Variants in CDH1 observed in about 807,000 individuals in gnomAD.
The protein encoded by CDH1 is cadherin-1.
Under a neutral mutation model 84.5 loss-of-function variants are expected in CDH1, and 35 were observed. The ratio of observed to expected loss-of-function variants is 0.41; its 90% CI spans 0.32 to 0.55. The LOEUF (loss-of-function observed/expected upper bound fraction) is 0.55. Ranked by LOEUF, CDH1 falls within the 20% of genes least tolerant of loss-of-function variation. The probability of loss-of-function intolerance (pLI) is 0.19; values close to 1 mark genes in which losing one functional copy is unlikely to be tolerated. For synonymous variants in CDH1, 417 were observed against 439.0 expected (o/e 0.95, Z 0.63); for missense variants, 994 against 1,126.6 (o/e 0.88, Z 1.68).
At chr16:68,794,311 G>GT (rs547038043) in intron 2 of CDH1, among the ~76,000 whole-genome samples, 72 of 152,088 alleles carry the variant, frequency 4.7e-4, no homozygotes, top group African/African-American at 1.7e-3. Flanking sequence ...GAAGTGTTGG[G>GT]TTACAGGCAT....
rs786201342 is a variant in CDH1 at position 68,819,404 on chromosome 16, C to T, written c.1690C>T (p.Leu564=). The T allele has an allele frequency of 1.9e-6, 3 of 1,613,690 alleles. No individual in the cohort carries two copies. The highest frequency in any genetic ancestry group is 2.5e-6 in the Non-Finnish European group (3 of 1,180,032). Residue 564 remains leucine, a synonymous_variant, in exon 11 of 16, where the codon CTA becomes TTA. Coordinates refer to ENST00000261769, the MANE Select transcript of CDH1 (RefSeq NM_004360.5). ...CGTGAAGAACAGCACGTACACAGCC[C>T]TAATCATAGCTACAGACAATGGTAA... The part of the protein sequence containing the change: ...EHVKNSTYTA[L]IIATDNGSPV...
intron 2 of CDH1, among the ~76,000 whole-genome samples, chr16:68,787,138 G>A (rs1960074657): frequency 6.6e-6 from 1 of 152,194 alleles, no homozygotes; most frequent in African/African-American, 2.4e-5. Flanking sequence ...TTATATCTGG[G>A]TTGTGTTTTT....
At chr16:68,829,894 T>A in intron 15 of CDH1, 97 bp downstream of exon 15, 4 of 1,290,540 alleles carry the variant, frequency 3.1e-6, no homozygotes, top group African/African-American at 2.9e-5. Flanking sequence ...ATTCTTTCCT[T>A]TACTATGTTT....
In CDH1 at chr16:68,738,406, G is replaced by T. The variant is rs876659692; in HGVS notation, c.158G>T (p.Gly53Val). Residue 53 changes from glycine to valine, a missense_variant, in exon 2 of 16, where the codon GGC (glycine) becomes GTC (valine). Physicochemically the swap from Gly to Val is moderately radical, Grantham distance 109. Coordinates refer to ENST00000261769, the MANE Select transcript of CDH1 (RefSeq NM_004360.5). ...RRHLERGRVL[G>V]RVNFEDCTGR... ...CACCTGGAGAGAGGCCGCGTCCTGG[G>T]CAGAGGTGAGGGCGCGCTGCCGGTG... is the stretch of plus-strand genomic sequence containing the variant. 6.5e-7 allele frequency: 1 copy of T among 1,545,422 alleles called. No individual in the cohort carries two copies. Among genetic ancestry groups the T allele is most frequent in the Non-Finnish European group, 8.8e-7 (1 of 1,142,526 alleles).
At chr16:68,787,184 C>A (rs1960076521) in intron 2 of CDH1, among the ~76,000 whole-genome samples, 1 of 152,136 alleles carries the variant, frequency 6.6e-6, no homozygotes, top group African/African-American at 2.4e-5. Flanking sequence ...TTTACCCATC[C>A]CACATTGCTG....
At chr16:68,770,037 C>A (rs1004959011) in intron 2 of CDH1, among the ~76,000 whole-genome samples, 2 of 151,356 alleles carry the variant, frequency 1.3e-5, no homozygotes, top group Admixed American at 1.3e-4. Context: ...GTCATGCCCC[C>A]GGTTGTTTTC....
chr16:68,746,268 T>A (rs1197142587), intron 2 of CDH1, among the ~76,000 whole-genome samples: 1 of 151,842 alleles, frequency 6.6e-6, no homozygotes, highest in Non-Finnish European at 1.5e-5. Context: ...TACTAAAAAT[T>A]CAAAAATTCA....
chr16:68,765,510 A>T (rs1303989769), intron 2 of CDH1: 1 of 152,074 alleles, frequency 6.6e-6, no homozygotes, highest in Non-Finnish European at 1.5e-5. Flanking sequence ...TTGGAAAGGT[A>T]GGGGGGATTT....
At chr16:68,802,779 G>T (rs1960551466) in intron 3 of CDH1, among the ~76,000 whole-genome samples, 1 of 152,096 alleles carries the variant, frequency 6.6e-6, no homozygotes, top group Non-Finnish European at 1.5e-5. Flanking sequence ...CCAAGAGCTG[G>T]ATTCTCTGAT....
At chr16:68,779,805 A>T (rs1959826190) in intron 2 of CDH1, among the ~76,000 whole-genome samples, 1 of 152,186 alleles carries the variant, frequency 6.6e-6, no homozygotes. Flanking sequence ...GTGAGCCAAG[A>T]TCACACCACT....
chr16:68,819,154 C>T lies in CDH1; in HGVS notation c.1566-126C>T, dbSNP rs1161309225. On this transcript the variant is annotated intron_variant, in intron 10 of 15. Coordinates refer to ENST00000261769, the MANE Select transcript of CDH1 (RefSeq NM_004360.5). ...TACAGGCATGAGCCACCGCGACCGG[C>T]CTATTGTTGGTTTTCAAAATAAAAA... The T allele has an allele frequency of 7.5e-6, 8 of 1,069,464 alleles. No individual in the cohort carries two copies. In the Admixed American group the frequency reaches 7.5e-5, roughly 10 times the overall value. The allele number at this position is 1,069,464 out of a possible 1,614,324, so 66.2% of individuals were successfully genotyped here. A position where few individuals can be genotyped will look rare whatever the true frequency, so the allele number is the denominator to read the frequency against.
rs745617489 is a variant in CDH1 at position 68,815,596 on chromosome 16, A to G, written c.1402A>G (p.Thr468Ala). Residue 468 changes from threonine (T) to alanine (A), a missense_variant, in exon 10 of 16, where the codon ACC becomes GCC. By Grantham distance (58) the Thr-to-Ala change is moderately conservative. Transcript: ENST00000261769. ...GGTACCTTTTGAGGTCTCTCTCACC[A>G]CCTCCACAGCCACCGTCACCGTGGA... is the stretch of plus-strand genomic sequence containing the variant. Reference protein sequence around the residue: ...NVVPFEVSLTTSTATVTVDVL... With the variant: ...NVVPFEVSLTASTATVTVDVL... 2 of 1,614,060 alleles carry G rather than the reference A, an allele frequency of 1.2e-6. No homozygotes were observed. Among genetic ancestry groups the G allele is most frequent in the Non-Finnish European group, 8.5e-7 (1 of 1,180,016 alleles).
At chr16:68,823,088 C>A (rs1596964999) in intron 12 of CDH1, 1 of 350,376 alleles carries the variant, frequency 2.9e-6, no homozygotes, top group East Asian at 6.4e-5. Context: ...GGTTCACCCT[C>A]AGGCACACGG....
intron 2 of CDH1, among the ~76,000 whole-genome samples, chr16:68,792,289 G>GC (rs1960229070): frequency 6.6e-6 from 1 of 151,130 alleles, no homozygotes; most frequent in Non-Finnish European, 1.5e-5. Flanking sequence ...GAGGGCAGTG[G>GC]CGCAATCTTG....
At chr16:68,796,441 C>G (rs940352187) in intron 2 of CDH1, among the ~76,000 whole-genome samples, 2 of 152,136 alleles carry the variant, frequency 1.3e-5, no homozygotes, top group African/African-American at 4.8e-5. Flanking sequence ...TGTTTCTACC[C>G]ACTCACATTC....
intron 2 of CDH1, among the ~76,000 whole-genome samples, chr16:68,745,540 A>AT (rs1206575238): frequency 1.4e-4 from 8 of 56,052 alleles, no homozygotes; most frequent in African/African-American, 2.7e-4. Flanking sequence ...TCTCAAAAAA[A>AT]AAAAAAAAAA....
chr16:68,796,918 G>A (rs552288941), intron 2 of CDH1, among the ~76,000 whole-genome samples: 8 of 151,696 alleles, frequency 5.3e-5, no homozygotes, highest in Non-Finnish European at 8.8e-5. Flanking sequence ...TTGGTGGATC[G>A]CTTGAGGCCA....
chr16:68,775,252 C>G lies in CDH1; in HGVS notation c.164-26418C>G, dbSNP rs550805790. ...GCACTTTATGAGCCATTTGAAAGTA[C>G]GCTGCAGGCATGTTTCACCCCTAAA... On this transcript the variant is annotated intron_variant, in intron 2 of 15. Coordinates refer to ENST00000261769, the MANE Select transcript of CDH1 (RefSeq NM_004360.5). Among the ~76,000 whole-genome samples, 21 of 152,242 alleles carry G rather than the reference C, an allele frequency of 1.4e-4. 1 individual carries two copies. Among genetic ancestry groups the G allele is most frequent in the African/African-American group, 4.8e-4 (20 of 41,550 alleles).
intron 2 of CDH1, among the ~76,000 whole-genome samples, chr16:68,761,313 C>G (rs1005993552): frequency 2.2e-5 from 3 of 138,742 alleles, no homozygotes; most frequent in Admixed American, 6.8e-5. Flanking sequence ...TTGGGGCAGC[C>G]CCGCTGGGCT....
Sources: allele counts gnomAD v4.1 joint callset (sites outside exome capture counted in the v4.1 genomes callset), GRCh38; gene constraint gnomAD v4.1.1; transcripts MANE v1.5; gene names NCBI Gene and HGNC (gene_info 2026-07-23, HGNC 2026-07-21).